The following ASXL2 variants were observed in gnomAD, a reference collection of about 807,000 sequenced individuals.
ASXL2 encodes the protein putative Polycomb group protein ASXL2.
ASXL2 carries 23 observed loss-of-function variants against 122.0 expected under a neutral mutation model. The observed-to-expected ratio is 0.19, with a 90% CI of 0.14 to 0.27. ASXL2 has a LOEUF of 0.27. ASXL2 is among the 10% of genes least tolerant of loss of function. The probability of loss-of-function intolerance (pLI) is 1.00; values close to 1 mark genes in which losing one functional copy is unlikely to be tolerated. For missense variants in ASXL2, 1,518 were observed against 1,713.8 expected (o/e 0.89, Z 2.02); for synonymous variants, 650 against 637.0 (o/e 1.02, Z -0.31).
At chr2:25,858,463 G>A (rs931654335) in intron 1 of ASXL2, among the ~76,000 whole-genome samples, 24 of 151,526 alleles carry the variant, frequency 1.6e-4, no homozygotes, top group African/African-American at 5.1e-4. Context: ...AATGGCTCAC[G>A]CCTGTAATCC....
Position 25,771,304 on chromosome 2 carries a change from A to T in ASXL2, c.504+136T>A, listed in dbSNP as rs1010441587. On this transcript the variant is annotated intron_variant, in intron 6 of 12. Transcript: ENST00000435504. ...GAGGTGCATAAATTACTAAAACCAC[A>T]TTGGGCTACTGCATGAAAGTTCCAC... 1.7e-5 allele frequency: 11 copies of T among 659,314 alleles called. No homozygotes were observed. In the Admixed American group the frequency reaches 3.0e-4, roughly 18 times the overall value. The allele number at this position is 659,314 out of a possible 1,614,324, so 40.8% of individuals were successfully genotyped here.
chr2:25,775,410 G>A (rs371012501), intron 5 of ASXL2, among the ~76,000 whole-genome samples: 7 of 152,108 alleles, frequency 4.6e-5, no homozygotes, highest in African/African-American at 7.2e-5. Flanking sequence ...TTACAGGCAC[G>A]AGCCACTTCG....
chr2:25,821,664 C>T (rs770892991), intron 3 of ASXL2, among the ~76,000 whole-genome samples: 4 of 152,154 alleles, frequency 2.6e-5, no homozygotes, highest in Non-Finnish European at 5.9e-5. Context: ...CCCAGGGTCC[C>T]AGGGTCAAAT....
At chr2:25,798,449 A>C (rs753293315) in intron 5 of ASXL2, among the ~76,000 whole-genome samples, 2 of 152,212 alleles carry the variant, frequency 1.3e-5, no homozygotes, top group Non-Finnish European at 2.9e-5. Context: ...AAAAGGTCAA[A>C]CTATGGAAAC....
chr2:25,868,595 C>T (rs1240566287), intron 1 of ASXL2, among the ~76,000 whole-genome samples: 4 of 152,202 alleles, frequency 2.6e-5, no homozygotes, highest in Non-Finnish European at 4.4e-5. Flanking sequence ...CCAAATGTAA[C>T]TCAAAAGAAT....
In ASXL2 at chr2:25,734,159, G is replaced by A. The variant is rs1277874605; in HGVS notation, c.*7870C>T. Reference sequence around the variant, plus strand: ...TTGTTATGTTCTCTAGATCTTTCATGGATTCTAGAAATTTTGTGAATTCTC... The same window carrying A: ...TTGTTATGTTCTCTAGATCTTTCATAGATTCTAGAAATTTTGTGAATTCTC... On this transcript the variant is annotated 3_prime_UTR_variant, in exon 13 of 13. Coordinates refer to ENST00000435504, the MANE Select transcript of ASXL2 (RefSeq NM_018263.6). The A allele has an allele frequency of 2.7e-5, 4 of 150,752 alleles. No individual in the cohort carries two copies. Among genetic ancestry groups the A allele is most frequent in the African/African-American group, 7.3e-5 (3 of 40,930 alleles). 9.3% of individuals were successfully genotyped at this position (150,752 alleles called of 1,614,324 possible). A position where few individuals can be genotyped will look rare whatever the true frequency, so the allele number is the denominator to read the frequency against.
chr2:25,759,284 A>G (rs554486201), intron 9 of ASXL2, among the ~76,000 whole-genome samples, 198 bp downstream of exon 9: 1 of 152,246 alleles, frequency 6.6e-6, no homozygotes, highest in Admixed American at 6.5e-5. Context: ...ATGGATGCTT[A>G]CATCCTAATA....
chr2:25,762,988 C>G lies in ASXL2; in HGVS notation c.776-3343G>C, dbSNP rs541077516. On this transcript the variant is annotated intron_variant, in intron 8 of 12. Coordinates refer to ENST00000435504, the MANE Select transcript of ASXL2 (RefSeq NM_018263.6). ...ACTTTTAGTAAAAAGACTTGATGAT[C>G]GATAAGGTAAATAAATATTCAATCC... is the stretch of plus-strand genomic sequence containing the variant. 1.3e-4 allele frequency among the ~76,000 whole-genome samples: 19 copies of G among 151,996 alleles called. No homozygotes were observed. In the East Asian group the frequency reaches 3.5e-3, roughly 28 times the overall value.
rs1268517528 is a variant in ASXL2 at position 25,741,931 on chromosome 2, C to G, written c.*98G>C. 8.4e-7 allele frequency: 1 copy of G among 1,195,732 alleles called. No homozygotes were observed. Among genetic ancestry groups the G allele is most frequent in the Non-Finnish European group, 1.2e-6 (1 of 847,476 alleles). 74.1% of individuals were successfully genotyped at this position (1,195,732 alleles called of 1,614,324 possible). ...ATTTGTCTCTGAAGACAACTGAAAC[C>G]TACTTGTTTATTTCTGTGATTCCAA... On this transcript the variant is annotated 3_prime_UTR_variant, in exon 13 of 13. Coordinates refer to ENST00000435504, the MANE Select transcript of ASXL2 (RefSeq NM_018263.6).
At chr2:25,869,462 T>G (rs899706465) in intron 1 of ASXL2, among the ~76,000 whole-genome samples, 2 of 152,166 alleles carry the variant, frequency 1.3e-5, no homozygotes, top group African/African-American at 4.8e-5. Flanking sequence ...AAAGAAAGTC[T>G]GTCTTAAAGG....
At chr2:25,849,551 T>G (rs182436661) in intron 1 of ASXL2, among the ~76,000 whole-genome samples, 2 of 151,912 alleles carry the variant, frequency 1.3e-5, no homozygotes, top group African/African-American at 4.8e-5. Context: ...CACAGCTCAC[T>G]GCAACCTCCG....
At chr2:25,791,088 C>T (rs2088825745) in intron 5 of ASXL2, among the ~76,000 whole-genome samples, 1 of 152,038 alleles carries the variant, frequency 6.6e-6, no homozygotes, top group Admixed American at 6.5e-5. Flanking sequence ...TGAGCCACCA[C>T]ACCCAGCCTA....
intron 5 of ASXL2, among the ~76,000 whole-genome samples, chr2:25,785,292 C>G (rs1361608600): frequency 6.6e-6 from 1 of 152,154 alleles, no homozygotes; most frequent in African/African-American, 2.4e-5. Context: ...GTGGCACAAT[C>G]TCAGCTCACT....
Position 25,734,016 on chromosome 2 carries a change from G to A in ASXL2, c.*8013C>T, listed in dbSNP as rs1323717595. 1 of 151,492 alleles carries A rather than the reference G, an allele frequency of 6.6e-6. No homozygotes were observed. The highest frequency in any genetic ancestry group is 2.4e-5 in the African/African-American group (1 of 41,198). 9.4% of individuals were successfully genotyped at this position (151,492 alleles called of 1,614,324 possible). On this transcript the variant is annotated 3_prime_UTR_variant, in exon 13 of 13. Coordinates refer to ENST00000435504, the MANE Select transcript of ASXL2 (RefSeq NM_018263.6). ...TTCTTCCATTCCGACTTCTCTTAGT[G>A]CTGGTGAAGGGTGCAATGCAGTCAC...
intron 3 of ASXL2, among the ~76,000 whole-genome samples, chr2:25,820,692 T>C (rs953154980): frequency 3.9e-5 from 6 of 152,264 alleles, no homozygotes; most frequent in African/African-American, 1.4e-4. Context: ...CACAACTCAG[T>C]AAATTTACTT....
rs200842027 is a variant in ASXL2 at position 25,863,324 on chromosome 2, A to G, written c.57+14842T>C. Among the ~76,000 whole-genome samples, 247 of 142,580 alleles carry G rather than the reference A, an allele frequency of 1.7e-3. 1 individual carries two copies. The highest frequency in any genetic ancestry group is 0.015 in the East Asian group (67 of 4,562). 93.5% of individuals were successfully genotyped at this position (142,580 alleles called of 152,430 possible). A position where few individuals can be genotyped will look rare whatever the true frequency, so the allele number is the denominator to read the frequency against. On this transcript the variant is annotated intron_variant, in intron 1 of 12. Coordinates refer to ENST00000435504, the MANE Select transcript of ASXL2 (RefSeq NM_018263.6). ...CAGCCTGGCAACAGAGCGAGACTCCATCTCCAAAAAAAAAAAAAAATTCTC... is the reference window on the plus strand; with the variant it reads ...CAGCCTGGCAACAGAGCGAGACTCCGTCTCCAAAAAAAAAAAAAAATTCTC...
At chr2:25,844,823 G>A (rs1051487658) in intron 2 of ASXL2, among the ~76,000 whole-genome samples, 15 of 151,980 alleles carry the variant, frequency 9.9e-5, no homozygotes, top group Admixed American at 9.2e-4. Context: ...TTTTCGTAGA[G>A]ATGAGGTTTC....
Position 25,736,824 on chromosome 2 carries a change from G to T in ASXL2, c.*5205C>A, listed in dbSNP as rs900754456. On this transcript the variant is annotated 3_prime_UTR_variant, in exon 13 of 13. Coordinates refer to ENST00000435504, the MANE Select transcript of ASXL2 (RefSeq NM_018263.6). Reference sequence around the variant, plus strand: ...CTGACCTTAACAATTTTTCTTTTAGGTCATCAATGATTCGATATATTATTC... The same window carrying T: ...CTGACCTTAACAATTTTTCTTTTAGTTCATCAATGATTCGATATATTATTC... The T allele has an allele frequency of 3.9e-5, 6 of 152,172 alleles. No homozygotes were observed. Among genetic ancestry groups the T allele is most frequent in the East Asian group, 1.9e-4 (1 of 5,186 alleles). The allele number at this position is 152,172 out of a possible 1,614,324, so 9.4% of individuals were successfully genotyped here.
chr2:25,826,604 G>C (rs996502853), intron 3 of ASXL2, among the ~76,000 whole-genome samples: 1 of 151,366 alleles, frequency 6.6e-6, no homozygotes, highest in East Asian at 1.9e-4. Context: ...CATTTTTTCC[G>C]TACTCCTTCC....
Sources: gnomAD v4.1 joint callset for allele counts (sites outside exome capture counted in the v4.1 genomes callset) on GRCh38, gnomAD v4.1.1 for gene constraint, MANE v1.5 for transcripts, NCBI Gene and HGNC (gene_info 2026-07-23, HGNC 2026-07-21) for gene names.